Variants in USP13 observed in about 807,000 individuals in gnomAD.
USP13 encodes ubiquitin specific peptidase 13.
Under a neutral mutation model 107.8 loss-of-function variants are expected in USP13, and 68 were observed. That is an observed-to-expected ratio of 0.63 (90% confidence interval 0.52 to 0.77). The LOEUF (loss-of-function observed/expected upper bound fraction) is 0.77, where lower values mean the gene tolerates loss of function less well. USP13 is among the 30% of genes least tolerant of loss of function. USP13 has a pLI of 0.00. For missense variants in USP13, 945 were observed against 1,093.3 expected, an observed-to-expected ratio of 0.86 and a Z score of 1.91; for synonymous variants, 377 against 389.5, an observed-to-expected ratio of 0.97 and a Z score of 0.38.
rs574052750 is a variant in USP13 at position 179,746,191 on chromosome 3, A to G, written c.1709+974A>G. Among the ~76,000 whole-genome samples, 37 of 147,318 alleles carry G rather than the reference A, an allele frequency of 2.5e-4. 1 individual carries two copies. In the South Asian group the frequency reaches 7.4e-3, roughly 29 times the overall value. Reference sequence around the variant, plus strand: ...AGCAGTTCAACCTATATATATATATATAAAATTTTATATATAAAATGTATA... The same window carrying G: ...AGCAGTTCAACCTATATATATATATGTAAAATTTTATATATAAAATGTATA... On this transcript the variant is annotated intron_variant, in intron 13 of 20. Coordinates refer to ENST00000263966, the MANE Select transcript of USP13 (RefSeq NM_003940.3).
intron 12 of USP13, among the ~76,000 whole-genome samples, chr3:179,743,202 T>C (rs1448932106): frequency 6.6e-6 from 1 of 151,766 alleles, no homozygotes; most frequent in Non-Finnish European, 1.5e-5. Context: ...AGTTGAACAT[T>C]GAGAACATAT....
chr3:179,730,473 A>G, intron 9 of USP13, 143 bp from the exon 10 acceptor site: 1 of 855,806 alleles, frequency 1.2e-6, no homozygotes, highest in East Asian at 2.7e-5. Flanking sequence ...AAGCAGAATC[A>G]AATAAATAAG....
chr3:179,680,072 A>G (rs568695144), intron 1 of USP13, among the ~76,000 whole-genome samples: 1 of 151,876 alleles, frequency 6.6e-6, no homozygotes, highest in Non-Finnish European at 1.5e-5. Context: ...CTACTTGGGA[A>G]GCTGAAGTGG....
chr3:179,761,982 TG>T (rs1161930779), intron 17 of USP13, among the ~76,000 whole-genome samples: 2 of 152,256 alleles, frequency 1.3e-5, no homozygotes, highest in African/African-American at 4.8e-5. Context: ...TACATTTCAA[TG>T]GTTTTTCATA....
At chr3:179,768,551 CAGTAGTAG>C (rs1715251389) in intron 19 of USP13, among the ~76,000 whole-genome samples, 1 of 152,144 alleles carries the variant, frequency 6.6e-6, no homozygotes, top group South Asian at 2.1e-4. Flanking sequence ...GATATAAAGG[CAGTAGTAG>C]ATGAAACATT....
intron 10 of USP13, among the ~76,000 whole-genome samples, chr3:179,736,243 T>C (rs1473134653): frequency 6.6e-6 from 1 of 152,252 alleles, no homozygotes; most frequent in Non-Finnish European, 1.5e-5. Flanking sequence ...AAAGATTGCT[T>C]CCTTGAGGTA....
intron 4 of USP13, among the ~76,000 whole-genome samples, chr3:179,703,654 A>G (rs963229337): frequency 6.6e-6 from 1 of 152,234 alleles, no homozygotes; most frequent in East Asian, 1.9e-4. Flanking sequence ...TACTCCCACC[A>G]TGACTGATTT....
chr3:179,761,154 T>C lies in USP13; in HGVS notation c.1991T>C (p.Met664Thr). ...TCATCAGTGATGCAGCTGGCCGAGA[T>C]GGGTTTCCCGCTGGAAGCATGTCGC... ...DESSVMQLAE[M>T]GFPLEACRKA... The change falls in exon 17 of 21, where the codon ATG becomes ACG. Residue 664 changes from methionine to threonine, a missense_variant. Physicochemically the swap from Met to Thr is moderately conservative, Grantham distance 81 (BLOSUM62 -1). Coordinates refer to ENST00000263966, the MANE Select transcript of USP13 (RefSeq NM_003940.3). 6.2e-7 allele frequency: 1 copy of C among 1,614,128 alleles called. No homozygotes were observed. The highest frequency in any genetic ancestry group is 8.5e-7 in the Non-Finnish European group (1 of 1,180,026).
intron 1 of USP13, among the ~76,000 whole-genome samples, chr3:179,667,868 GA>G (rs1720632493): frequency 6.6e-6 from 1 of 152,098 alleles, no homozygotes; most frequent in Non-Finnish European, 1.5e-5. Flanking sequence ...GGCTGGTCTC[GA>G]ATTCCTGACC....
chr3:179,656,805 C>T (rs1003353549), intron 1 of USP13, among the ~76,000 whole-genome samples: 4 of 152,152 alleles, frequency 2.6e-5, no homozygotes, highest in Non-Finnish European at 4.4e-5. Context: ...CCTTTGAGTG[C>T]GACCTTCCTG....
intron 1 of USP13, among the ~76,000 whole-genome samples, chr3:179,675,491 T>A (rs935670901): frequency 2.6e-5 from 4 of 151,494 alleles, no homozygotes; most frequent in Non-Finnish European, 5.9e-5. Context: ...ATTAATATTT[T>A]AAAAAAATTT....
At chr3:179,768,225 T>C (rs1715238849) in intron 19 of USP13, among the ~76,000 whole-genome samples, 1 of 152,232 alleles carries the variant, frequency 6.6e-6, no homozygotes, top group Non-Finnish European at 1.5e-5. Flanking sequence ...GTTGTAAAGC[T>C]GCCAAGGTTT....
intron 17 of USP13, 56 bp downstream of exon 17, chr3:179,761,311 T>C: frequency 6.2e-7 from 1 of 1,604,022 alleles, no homozygotes; most frequent in South Asian, 1.1e-5. Context: ...TCAGTGATGC[T>C]GAGTCCTGGT....
intron 7 of USP13, 94 bp downstream of exon 7, chr3:179,720,128 T>G: frequency 1.2e-6 from 1 of 842,390 alleles, no homozygotes; most frequent in Non-Finnish European, 1.8e-6. Flanking sequence ...ATATAATTCC[T>G]CTAACGTGGA....
Position 179,784,418 on chromosome 3 carries a change from G to C in USP13, c.*277G>C. ...AAAAAGTATTCATATTGCTGGTGGAGGATCTGCCATCAGCACATCAAAAAT... is the reference window on the plus strand; with the variant it reads ...AAAAAGTATTCATATTGCTGGTGGACGATCTGCCATCAGCACATCAAAAAT... On this transcript the variant is annotated 3_prime_UTR_variant, in exon 21 of 21. Transcript: ENST00000263966. 1 of 286,774 alleles carries C rather than the reference G, an allele frequency of 3.5e-6. No homozygotes were observed. Among genetic ancestry groups the C allele is most frequent in the Non-Finnish European group, 6.6e-6 (1 of 152,394 alleles). The allele number at this position is 286,774 out of a possible 1,614,324, so 17.8% of individuals were successfully genotyped here.
chr3:179,768,362 T>C (rs1440426105), intron 19 of USP13, among the ~76,000 whole-genome samples: 2 of 152,214 alleles, frequency 1.3e-5, no homozygotes, highest in Non-Finnish European at 2.9e-5. Context: ...TCCTCAGGGC[T>C]TACTCTACCT....
At chr3:179,675,099 C>T (rs1488494491) in intron 1 of USP13, among the ~76,000 whole-genome samples, 2 of 151,250 alleles carry the variant, frequency 1.3e-5, no homozygotes, top group Non-Finnish European at 1.5e-5. Context: ...GGTGTGAACC[C>T]GGGAGGTGGA....
At chr3:179,661,866 T>C (rs1198305137) in intron 1 of USP13, among the ~76,000 whole-genome samples, 2 of 152,216 alleles carry the variant, frequency 1.3e-5, no homozygotes, top group African/African-American at 2.4e-5. Context: ...GAAGCCACTT[T>C]GCTATTGCAA....
At position 179,784,153 on chromosome 3, in the gene USP13, AAAAATTGGCG is replaced by A. The variant is rs1715845654; in HGVS notation, c.*17_*26del. On this transcript the variant is annotated 3_prime_UTR_variant, in exon 21 of 21. Coordinates refer to ENST00000263966, the MANE Select transcript of USP13 (RefSeq NM_003940.3). ...GGATACCAAGCTAAACCTCAAATAT[AAAAATTGGCG>A]AAAAGAAGCCATACGCCTTTTTAAT... 1 of 1,590,724 alleles carries A rather than the reference AAAAATTGGCG, an allele frequency of 6.3e-7. No individual in the cohort carries two copies. Among genetic ancestry groups the A allele is most frequent in the East Asian group, 2.2e-5 (1 of 44,790 alleles).
Sources: gnomAD v4.1 joint callset for allele counts (sites outside exome capture counted in the v4.1 genomes callset) on GRCh38, gnomAD v4.1.1 for gene constraint, MANE v1.5 for transcripts, NCBI Gene and HGNC (gene_info 2026-07-23, HGNC 2026-07-21) for gene names.